ZFHX3: variants seen among roughly 807,000 people sequenced by gnomAD.
ZFHX3 encodes the protein zinc finger homeobox 3.
A neutral mutation model predicts 279.1 loss-of-function variants in ZFHX3; 42 were observed. The observed-to-expected ratio is 0.15, with a 90% CI of 0.12 to 0.19. The LOEUF is 0.19. ZFHX3 is among the 10% of genes least tolerant of loss of function. The pLI is 1.00. For missense variants in ZFHX3, 4,981 were observed against 4,754.0 expected (o/e 1.05, Z -1.40); for synonymous variants, 2,293 against 1,957.8 (o/e 1.17, Z -4.52).
intron 3 of ZFHX3, among the ~76,000 whole-genome samples, chr16:72,917,348 T>C (rs556950957): frequency 6.6e-6 from 1 of 152,272 alleles, no homozygotes; most frequent in African/African-American, 2.4e-5. Context: ...CAGCAAAAGA[T>C]AATGATAAAC....
rs1567451240 is a variant in ZFHX3, at chr16:73,325,928, A to ACACAAACACACAC, written c.-1290-7593_-1290-7592insGTGTGTGTTTGTG. On this transcript the variant is annotated intron_variant, in intron 3 of 17. Transcript: ENST00000641206. ...ACACACACACACACACACACACACA[A>ACACAAACACACAC]ACACACACACACACACACACACAGG... Among the ~76,000 whole-genome samples, 348 of 145,552 alleles carry ACACAAACACACAC rather than the reference A, an allele frequency of 2.4e-3. 1 individual carries two copies. Among genetic ancestry groups the ACACAAACACACAC allele is most frequent in the Non-Finnish European group, 4.2e-3 (280 of 66,138 alleles).
chr16:73,212,608 A>C (rs982046030), intron 5 of ZFHX3, among the ~76,000 whole-genome samples: 3 of 152,210 alleles, frequency 2.0e-5, no homozygotes, highest in East Asian at 1.9e-4. Context: ...GGAGATATGG[A>C]GCCACCTGGA....
At position 73,073,427 on chromosome 16, in the gene ZFHX3, C is replaced by T. The variant is rs186237710; in HGVS notation, c.-532-14415G>A. 4.1e-3 allele frequency among the ~76,000 whole-genome samples: 619 copies of T among 152,316 alleles called. 3 individuals are homozygous for T. The highest frequency in any genetic ancestry group is 0.015 in the African/African-American group (603 of 41,556). On this transcript the variant is annotated intron_variant, in intron 8 of 17. Coordinates refer to the ZFHX3 transcript ENST00000641206. Reference sequence around the variant, plus strand: ...TATGCTGGAAATCTAGAACTTCCTACAGGCTTTAAACATTTTGTACAAGTT... The same window carrying T: ...TATGCTGGAAATCTAGAACTTCCTATAGGCTTTAAACATTTTGTACAAGTT...
intron 4 of ZFHX3, among the ~76,000 whole-genome samples, chr16:73,261,668 GTTTT>G (rs1187489542): frequency 7.4e-5 from 6 of 80,700 alleles, no homozygotes; most frequent in African/African-American, 2.4e-4. Flanking sequence ...TCCTGTGATT[GTTTT>G]TTTTTTTTTT....
At chr16:73,251,188 G>C (rs965134370) in intron 5 of ZFHX3, among the ~76,000 whole-genome samples, 1 of 152,154 alleles carries the variant, frequency 6.6e-6, no homozygotes, top group Non-Finnish European at 1.5e-5. Context: ...ACCTCTCACA[G>C]ATAATCCAAA....
chr16:73,328,129 G>A (rs1304807007), intron 3 of ZFHX3, among the ~76,000 whole-genome samples: 2 of 151,834 alleles, frequency 1.3e-5, no homozygotes, highest in African/African-American at 4.8e-5. Context: ...TAAACAATGA[G>A]GTCTTAAATT....
chr16:73,460,238 C>T (rs200835445), intron 2 of ZFHX3, among the ~76,000 whole-genome samples: 6 of 151,928 alleles, frequency 3.9e-5, no homozygotes, highest in Admixed American at 6.5e-5. Flanking sequence ...TTGAGATTGG[C>T]TTTTTTTCAC....
chr16:72,819,279 C>T (rs2036709841), intron 5 of ZFHX3, among the ~76,000 whole-genome samples: 1 of 151,006 alleles, frequency 6.6e-6, no homozygotes, highest in African/African-American at 2.4e-5. Flanking sequence ...GGCCCTATGC[C>T]TGTCATACAC....
intron 4 of ZFHX3, among the ~76,000 whole-genome samples, chr16:73,287,184 GTGGGTGTGTGGTCAGTGTA>G: frequency 6.7e-6 from 1 of 149,624 alleles, no homozygotes; most frequent in South Asian, 2.1e-4. Context: ...GGGCCAGTGT[GTGGGTGTGTGGTCAGTGTA>G]TGGCTGTGTG....
chr16:73,219,823 C>A (rs755144348), intron 5 of ZFHX3, among the ~76,000 whole-genome samples: 1 of 152,162 alleles, frequency 6.6e-6, no homozygotes. Flanking sequence ...TGGTGGCTCA[C>A]GCCTGTAATC....
In ZFHX3 at chr16:72,957,661, T is replaced by C. The variant is rs1408516591; in HGVS notation, c.2485A>G (p.Met829Val). The stretch of plus-strand genomic sequence containing the variant: ...TGTTGCAGTAACATCATGTTATGCA[T>C]GTGCTTCTCACTGGTCATGTGAATG... The part of the protein sequence containing the change: ...LRIHMTSEKH[M>V]HNMMLLQQNM... The change falls in exon 2 of 10, where the codon ATG becomes GTG. Residue 829 changes from methionine to valine, a missense_variant. Physicochemically the swap from Met to Val is conservative, Grantham distance 21 (BLOSUM62 1). Coordinates refer to ENST00000268489, the MANE Select transcript of ZFHX3 (RefSeq NM_006885.4). 4 of 1,614,204 alleles carry C rather than the reference T, an allele frequency of 2.5e-6. No homozygotes were observed. Among genetic ancestry groups the C allele is most frequent in the Non-Finnish European group, 2.5e-6 (3 of 1,180,034 alleles).
Position 72,856,194 on chromosome 16 carries a change from T to C in ZFHX3, c.3449-26335A>G, listed in dbSNP as rs550168866. Among the ~76,000 whole-genome samples the C allele has an allele frequency of 1.3e-4, 20 of 152,346 alleles. No homozygotes were observed. In the South Asian group the frequency reaches 4.1e-3, roughly 32 times the overall value. On this transcript the variant is annotated intron_variant, in intron 4 of 9. Transcript: ENST00000268489. ...ACTGATGACACAGCGTGCATGTAAC[T>C]GTAAAGCTAGGCGCTGTACCTGTCT...
In ZFHX3 at chr16:72,788,130, T is replaced by C; in HGVS notation, c.10146A>G (p.Gln3382=). Residue 3382 remains glutamine, a synonymous_variant, in exon 10 of 10, where the codon CAA becomes CAG. Transcript: ENST00000268489. ...CTTTTTGCTGCTGCTGCTGCTGTAG[T>C]TGCCGCTGCTGCTGCTGCTGAATTG... ...QEAIQQQQQR[Q]LQQQQQQKVQ... is the part of the protein sequence containing the mutation. 6.3e-7 allele frequency: 1 copy of C among 1,596,788 alleles called. No homozygotes were observed. The highest frequency in any genetic ancestry group is 8.6e-7 in the Non-Finnish European group (1 of 1,167,844).
At chr16:73,724,648 G>A (rs746039083) in intron 1 of ZFHX3, among the ~76,000 whole-genome samples, 1 of 152,208 alleles carries the variant, frequency 6.6e-6, no homozygotes, top group Non-Finnish European at 1.5e-5. Flanking sequence ...GCCACATTCT[G>A]TCTAGGGCAC....
chr16:73,010,673 T>C (rs1394838047), intron 1 of ZFHX3, among the ~76,000 whole-genome samples: 1 of 152,162 alleles, frequency 6.6e-6, no homozygotes, highest in Admixed American at 6.5e-5. Context: ...AAGTCTCCAC[T>C]CTGCCTGATG....
chr16:73,799,686 T>G (rs1185016759), intron 1 of ZFHX3, among the ~76,000 whole-genome samples: 1 of 152,150 alleles, frequency 6.6e-6, no homozygotes, highest in Non-Finnish European at 1.5e-5. Flanking sequence ...AGTTCTTCCT[T>G]GAAACCTCCT....
intron 3 of ZFHX3, among the ~76,000 whole-genome samples, chr16:73,442,314 C>T (rs2018108423): frequency 6.6e-6 from 1 of 151,760 alleles, no homozygotes; most frequent in African/African-American, 2.4e-5. Context: ...TTTCTCCTTG[C>T]ATCTTTGTAC....
intron 1 of ZFHX3, among the ~76,000 whole-genome samples, chr16:73,712,218 C>G (rs1567558737): frequency 6.6e-6 from 1 of 151,044 alleles, no homozygotes; most frequent in Non-Finnish European, 1.5e-5. Flanking sequence ...AAACCAGCTG[C>G]AGTTTTAAAA....
chr16:73,425,783 T>G (rs1225881925), intron 3 of ZFHX3, among the ~76,000 whole-genome samples: 4 of 152,172 alleles, frequency 2.6e-5, no homozygotes, highest in Non-Finnish European at 5.9e-5. Context: ...AGATATCAGC[T>G]ATATCCTTCT....
Sources: allele counts gnomAD v4.1 joint callset (sites outside exome capture counted in the v4.1 genomes callset), GRCh38; gene constraint gnomAD v4.1.1; transcripts MANE v1.5; gene names NCBI Gene and HGNC (gene_info 2026-07-23, HGNC 2026-07-21).